Variants in CDH13 observed in about 807,000 individuals in gnomAD.
The protein encoded by CDH13 is cadherin 13.
In CDH13, 24 loss-of-function variants were observed where a neutral mutation model predicts 63.8. That is an observed-to-expected ratio of 0.38 (90% confidence interval 0.27 to 0.53). The LOEUF (loss-of-function observed/expected upper bound fraction) is 0.53, where lower values mean the gene tolerates loss of function less well. Among genes scored for constraint, CDH13 ranks in the 20% least tolerant of loss-of-function variants. The pLI, the probability that CDH13 is intolerant of heterozygous loss-of-function variation, is 0.85. For missense variants in CDH13, 1,049 were observed against 903.1 expected (o/e 1.16, Z -2.07); for synonymous variants, 503 against 355.3 (o/e 1.42, Z -4.67).
chr16:83,616,133 G>A (rs1458044956), intron 8 of CDH13, among the ~76,000 whole-genome samples: 1 of 152,108 alleles, frequency 6.6e-6, no homozygotes, highest in Non-Finnish European at 1.5e-5. Flanking sequence ...GGAAAAGGGT[G>A]GTATGTGCAT....
At chr16:83,021,052 C>G (rs1022299053) in intron 2 of CDH13, among the ~76,000 whole-genome samples, 6 of 152,142 alleles carry the variant, frequency 3.9e-5, no homozygotes, top group African/African-American at 1.4e-4. Flanking sequence ...GAGACGTGTG[C>G]CAGTCATGAA....
rs1597513889 is a variant in CDH13 at position 82,768,877 on chromosome 16, C to G, written c.46-89485C>G. 2.0e-5 allele frequency among the ~76,000 whole-genome samples: 3 copies of G among 152,156 alleles called. No individual in the cohort carries two copies. The South Asian group carries it at 6.2e-4, about 32-fold the overall frequency. On this transcript the variant is annotated intron_variant, in intron 1 of 13. Coordinates refer to ENST00000567109, the MANE Select transcript of CDH13 (RefSeq NM_001257.5). ...TGTGTCCGCAGGCTCCCTTTCACACCTTTAATATTTTGTATTTTGCAAACA... is the reference window on the plus strand; with the variant it reads ...TGTGTCCGCAGGCTCCCTTTCACACGTTTAATATTTTGTATTTTGCAAACA...
intron 10 of CDH13, 90 bp from the exon 11 acceptor site, chr16:83,748,018 C>T (rs772919033): frequency 3.5e-4 from 484 of 1,402,714 alleles, no homozygotes; most frequent in Non-Finnish European, 4.5e-4. Flanking sequence ...GGATCCAGCA[C>T]CTAGCCTAGG....
Position 82,851,644 on chromosome 16 carries a change from G to A in CDH13, c.46-6718G>A, listed in dbSNP as rs573050913. Among the ~76,000 whole-genome samples the A allele has an allele frequency of 1.1e-3, 164 of 147,568 alleles. 4 individuals are homozygous for A. The Middle Eastern group carries it at 0.038, about 34-fold the overall frequency. On this transcript the variant is annotated intron_variant, in intron 1 of 13. Transcript: ENST00000567109. ...TTTTAAGGAGGTCAGACTCAGCAGG[G>A]GCGTGGACATGAGTACATGCACATG... is the stretch of plus-strand genomic sequence containing the variant.
At chr16:83,660,515 C>T (rs946792300) in intron 8 of CDH13, among the ~76,000 whole-genome samples, 1 of 152,210 alleles carries the variant, frequency 6.6e-6, no homozygotes, top group Admixed American at 6.5e-5. Flanking sequence ...TGAAGTTTCA[C>T]TGGCTCTCCC....
chr16:83,120,089 A>G (rs1049142305), intron 3 of CDH13, among the ~76,000 whole-genome samples: 18 of 151,722 alleles, frequency 1.2e-4, no homozygotes, highest in African/African-American at 4.4e-4. Flanking sequence ...GTCGACATGC[A>G]CATGGTGACT....
At chr16:83,570,890 A>T (rs1904545162) in intron 7 of CDH13, among the ~76,000 whole-genome samples, 2 of 138,382 alleles carry the variant, frequency 1.4e-5, no homozygotes, top group Admixed American at 1.5e-4. Flanking sequence ...TTATAAATGA[A>T]ACTGTATAAT....
At chr16:83,534,873 A>C (rs2075153859) in intron 7 of CDH13, among the ~76,000 whole-genome samples, 1 of 152,248 alleles carries the variant, frequency 6.6e-6, no homozygotes, top group Non-Finnish European at 1.5e-5. Context: ...GATTTTATTG[A>C]TAATGATCAA....
intron 8 of CDH13, among the ~76,000 whole-genome samples, chr16:83,630,238 A>G (rs1910657845): frequency 6.6e-6 from 1 of 152,214 alleles, no homozygotes; most frequent in Non-Finnish European, 1.5e-5. Context: ...CTGCTTTGTA[A>G]TAAAGGTTAA....
rs150758304 is a variant in CDH13 at position 83,294,774 on chromosome 16, C to T, written c.637-50088C>T. ...AAGACATCCCATGTTCGTGGATTGC[C>T]GGAATAATATTGTTAAAATGCCCGT... On this transcript the variant is annotated intron_variant, in intron 5 of 13. Coordinates refer to ENST00000567109, the MANE Select transcript of CDH13 (RefSeq NM_001257.5). 5.2e-3 allele frequency among the ~76,000 whole-genome samples: 786 copies of T among 151,780 alleles called. 3 individuals carry two copies. Among genetic ancestry groups the T allele is most frequent in the Non-Finnish European group, 7.1e-3 (484 of 67,914 alleles).
At chr16:83,000,372 G>A (rs1478215735) in intron 2 of CDH13, among the ~76,000 whole-genome samples, 1 of 148,336 alleles carries the variant, frequency 6.7e-6, no homozygotes, top group Non-Finnish European at 1.5e-5. Context: ...CCTCAGCCTC[G>A]CGAGTAGCTG....
chr16:83,287,183 G>A (rs1031357701), intron 5 of CDH13, among the ~76,000 whole-genome samples: 1 of 152,180 alleles, frequency 6.6e-6, no homozygotes, highest in Non-Finnish European at 1.5e-5. Context: ...GCCCAGGATG[G>A]CTAGAATGAA....
At chr16:83,388,779 A>C (rs1157633387) in intron 6 of CDH13, among the ~76,000 whole-genome samples, 2 of 152,146 alleles carry the variant, frequency 1.3e-5, no homozygotes. Context: ...CTTGCTCCCC[A>C]GGATGGCCAT....
At chr16:82,990,567 G>T (rs60087102) in intron 2 of CDH13, among the ~76,000 whole-genome samples, 19,987 of 146,036 alleles carry the variant, frequency 0.14, 1,669 homozygotes, top group African/African-American at 0.23. Flanking sequence ...TTTTTTTAGA[G>T]ACAGAGTCTC....
intron 3 of CDH13, among the ~76,000 whole-genome samples, chr16:83,093,660 A>G (rs999020001): frequency 6.6e-6 from 1 of 152,090 alleles, no homozygotes; most frequent in Admixed American, 6.6e-5. Flanking sequence ...TTCAAACAAT[A>G]TGGGAATCAG....
At chr16:82,920,700 C>A (rs1257359780) in intron 2 of CDH13, among the ~76,000 whole-genome samples, 2 of 152,204 alleles carry the variant, frequency 1.3e-5, no homozygotes, top group Non-Finnish European at 2.9e-5. Context: ...CTCTCTCACA[C>A]ACTCTCTTTT....
chr16:83,635,519 T>A (rs928357942), intron 8 of CDH13, among the ~76,000 whole-genome samples: 6 of 151,866 alleles, frequency 4.0e-5, no homozygotes, highest in African/African-American at 1.5e-4. Flanking sequence ...AATTTTTGTA[T>A]TTTTAGTAGA....
At chr16:83,720,818 CT>C (rs1384010874) in intron 10 of CDH13, among the ~76,000 whole-genome samples, 1 of 152,174 alleles carries the variant, frequency 6.6e-6, no homozygotes, top group Non-Finnish European at 1.5e-5. Context: ...CCCATGGGGC[CT>C]TGTGACTGCC....
intron 6 of CDH13, among the ~76,000 whole-genome samples, chr16:83,437,331 C>T (rs1012902266): frequency 1.3e-5 from 2 of 152,066 alleles, no homozygotes; most frequent in African/African-American, 2.4e-5. Context: ...ATCCATAAAG[C>T]GTTTAGAACA....
Sources: allele counts gnomAD v4.1 joint callset (sites outside exome capture counted in the v4.1 genomes callset), GRCh38; gene constraint gnomAD v4.1.1; transcripts MANE v1.5; gene names NCBI Gene and HGNC (gene_info 2026-07-23, HGNC 2026-07-21).